Variants in WDR19 observed in about 807,000 individuals in gnomAD.
WDR19 encodes the protein WD repeat domain 19, also known as WD repeat-containing protein 19.
A neutral mutation model predicts 180.0 loss-of-function variants in WDR19; 121 were observed. The observed-to-expected ratio is 0.67, with a 90% CI of 0.58 to 0.78. The LOEUF (loss-of-function observed/expected upper bound fraction) is 0.78. Ranked by LOEUF, WDR19 falls within the 30% of genes least tolerant of loss-of-function variation. The probability of loss-of-function intolerance (pLI) is 0.00; values close to 1 mark genes in which losing one functional copy is unlikely to be tolerated. For synonymous variants in WDR19, 497 were observed against 540.7 expected (o/e 0.92, Z 1.12); for missense variants, 1,450 against 1,640.7 (o/e 0.88, Z 2.01).
At chr4:39,280,119 G>GTTTTTTTTT (rs551041321) in intron 36 of WDR19, among the ~76,000 whole-genome samples, 37 of 53,958 alleles carry the variant, frequency 6.9e-4, no homozygotes, top group African/African-American at 1.1e-3. Flanking sequence ...CCCTTTTCTT[G>GTTTTTTTTT]TTTTTTTTTT....
chr4:39,284,645 TAAA>T (rs144371093), intron 36 of WDR19, among the ~76,000 whole-genome samples: 42,886 of 132,172 alleles, frequency 0.32, 6,673 homozygotes, highest in African/African-American at 0.33. Flanking sequence ...CCTGGCTTTC[TAAA>T]AAAAAAAAAA....
chr4:39,274,785 T>G (rs1183586907), intron 32 of WDR19, 23 bp from the exon 33 acceptor site: 25 of 1,605,800 alleles, frequency 1.6e-5, no homozygotes, highest in Non-Finnish European at 2.0e-5. Context: ...GTGCTGTTGC[T>G]GCTCTCCCCT....
Position 39,188,907 on chromosome 4 carries a change from G to A in WDR19, c.165-749G>A, listed in dbSNP as rs112813839. ...CTGAGTAGCATGTGCATGCCACCAC[G>A]CCCAGCTCATTTTTTTTTCTTTTTT... On this transcript the variant is annotated intron_variant, in intron 3 of 36. Coordinates refer to ENST00000399820, the MANE Select transcript of WDR19 (RefSeq NM_025132.4). Among the ~76,000 whole-genome samples, 649 of 151,542 alleles carry A rather than the reference G, an allele frequency of 4.3e-3. 6 individuals are homozygous for A. The highest frequency in any genetic ancestry group is 0.015 in the African/African-American group (612 of 41,330).
intron 28 of WDR19, among the ~76,000 whole-genome samples, chr4:39,258,664 T>C (rs1733990769): frequency 6.6e-6 from 1 of 152,224 alleles, no homozygotes; most frequent in Admixed American, 6.5e-5. Context: ...TATTAGGTCA[T>C]AGTATTCTAA....
intron 4 of WDR19, among the ~76,000 whole-genome samples, chr4:39,189,988 A>G (rs528578091): frequency 3.3e-5 from 5 of 152,362 alleles, no homozygotes; most frequent in African/African-American, 1.2e-4. Flanking sequence ...AGTTGCTTTC[A>G]GTGGAACAGA....
Position 39,220,734 on chromosome 4 carries a change from T to C in WDR19, c.1479+2629T>C, listed in dbSNP as rs551551490. 2.3e-3 allele frequency among the ~76,000 whole-genome samples: 344 copies of C among 151,084 alleles called. 1 individual carries two copies. The highest frequency in any genetic ancestry group is 7.7e-3 in the African/African-American group (320 of 41,386). ...CATCTTGGCCAGGCTGGTCTTGAACTCCTGACCTCGTGATCCACCCGCCTC... is the reference window on the plus strand; with the variant it reads ...CATCTTGGCCAGGCTGGTCTTGAACCCCTGACCTCGTGATCCACCCGCCTC... On this transcript the variant is annotated intron_variant, in intron 14 of 36. Coordinates refer to ENST00000399820, the MANE Select transcript of WDR19 (RefSeq NM_025132.4).
intron 36 of WDR19, among the ~76,000 whole-genome samples, chr4:39,281,228 T>TAGAGAGAGAGAGAG (rs1437561762): frequency 1.7e-4 from 17 of 98,778 alleles, no homozygotes; most frequent in South Asian, 6.1e-4. Context: ...TATATATATA[T>TAGAGAGAGAGAGAG]ATATATATAG....
In WDR19 at chr4:39,203,696, G is replaced by T; in HGVS notation, c.577G>T (p.Asp193Tyr). The T allele has an allele frequency of 6.2e-7, 1 of 1,612,648 alleles. No homozygotes were observed. Among genetic ancestry groups the T allele is most frequent in the South Asian group, 1.1e-5 (1 of 90,582 alleles). The change falls in exon 7 of 37, where the codon GAC (aspartate) becomes TAC (tyrosine). Residue 193 changes from aspartate to tyrosine, a missense_variant. By Grantham distance (160) the Asp-to-Tyr change is radical (BLOSUM62 -3). Transcript: ENST00000399820. The stretch of plus-strand genomic sequence containing the variant: ...GCAGTTTTTCTTGATGAAGATGGAT[G>T]ACCGAACCTCTGCTGCTGAAAGCAT... ...NMQFFLMKMDDRTSAAESMIS... is the reference protein window; with the variant it reads ...NMQFFLMKMDYRTSAAESMIS...
chr4:39,233,449 C>T (rs566859958), intron 19 of WDR19, among the ~76,000 whole-genome samples: 1 of 152,170 alleles, frequency 6.6e-6, no homozygotes, highest in South Asian at 2.1e-4. Context: ...ATCTAACCCA[C>T]GGGATATTTG....
intron 28 of WDR19, among the ~76,000 whole-genome samples, chr4:39,260,340 C>CTT (rs71192837): frequency 1.1e-5 from 1 of 89,964 alleles, no homozygotes; most frequent in African/African-American, 4.0e-5. Flanking sequence ...TTTTTTTTTT[C>CTT]TTTTTTTTTT....
chr4:39,208,231 C>CAGTAGA (rs1728148996), intron 9 of WDR19, among the ~76,000 whole-genome samples: 1 of 150,828 alleles, frequency 6.6e-6, no homozygotes, highest in African/African-American at 2.4e-5. Flanking sequence ...AATAATAAAG[C>CAGTAGA]AGTAGACTTC....
Position 39,274,976 on chromosome 4 carries a change from T to A in WDR19, c.3716+18T>A. The A allele has an allele frequency of 1.9e-6, 3 of 1,609,302 alleles. No homozygotes were observed. The highest frequency in any genetic ancestry group is 2.5e-6 in the Non-Finnish European group (3 of 1,179,122). ...ATGGTCAGGTAGGCAGAGATGGCTA[T>A]TTCTGCTATCTAATCGTATTTCTCA... On this transcript the variant is annotated intron_variant, in intron 33 of 36. Transcript: ENST00000399820.
chr4:39,264,963 G>T (rs1374745761), intron 28 of WDR19, among the ~76,000 whole-genome samples: 2 of 150,786 alleles, frequency 1.3e-5, no homozygotes, highest in Admixed American at 6.6e-5. Context: ...TGTCGCCCAG[G>T]CCGGAGTGCA....
chr4:39,189,855 T>C, intron 4 of WDR19, 74 bp downstream of exon 4: 1 of 1,446,522 alleles, frequency 6.9e-7, no homozygotes, highest in Non-Finnish European at 9.2e-7. Context: ...CTAACAATTC[T>C]TTACTACTTT....
chr4:39,253,472 G>A (rs1454201146), intron 25 of WDR19, among the ~76,000 whole-genome samples, 180 bp downstream of exon 25: 1 of 152,140 alleles, frequency 6.6e-6, no homozygotes, highest in East Asian at 1.9e-4. Flanking sequence ...TCTTTCAAGT[G>A]TAAGCATATA....
chr4:39,259,455 G>T (rs1294323077), intron 28 of WDR19, among the ~76,000 whole-genome samples: 1 of 152,050 alleles, frequency 6.6e-6, no homozygotes, highest in African/African-American at 2.4e-5. Context: ...TTCTGTTTCT[G>T]TGGATTTGCC....
chr4:39,253,213 G>C lies in WDR19; in HGVS notation c.2797G>C (p.Asp933His). Residue 933 changes from aspartate to histidine, a missense_variant, in exon 25 of 37, where the codon GAT (aspartate) becomes CAT (histidine). By Grantham distance (81) the Asp-to-His change is moderately conservative. Transcript: ENST00000399820. ...QWQSVIRIYL[D>H]HLNNPEKAVN... Reference sequence around the variant, plus strand: ...GCAAAGTGTAATCCGCATCTATCTGGATCACCTCAATAATCCTGAAAAAGC... The same window carrying C: ...GCAAAGTGTAATCCGCATCTATCTGCATCACCTCAATAATCCTGAAAAAGC... 1.2e-5 allele frequency: 20 copies of C among 1,613,526 alleles called. No homozygotes were observed. Among genetic ancestry groups the C allele is most frequent in the Non-Finnish European group, 1.7e-5 (20 of 1,179,722 alleles).
chr4:39,220,431 GC>G (rs1729536664), intron 14 of WDR19, among the ~76,000 whole-genome samples: 1 of 151,364 alleles, frequency 6.6e-6, no homozygotes, highest in East Asian at 1.9e-4. Context: ...CAATCGTCCT[GC>G]CTTATCCTTC....
At chr4:39,218,247 C>A in intron 14 of WDR19, 142 bp downstream of exon 14, 1 of 1,053,016 alleles carries the variant, frequency 9.5e-7, no homozygotes, top group Middle Eastern at 2.8e-4. Context: ...TAATTATATA[C>A]ATTCATGTGT....
Sources: allele counts gnomAD v4.1 joint callset (sites outside exome capture counted in the v4.1 genomes callset), GRCh38; gene constraint gnomAD v4.1.1; transcripts MANE v1.5; gene names NCBI Gene and HGNC (gene_info 2026-07-23, HGNC 2026-07-21).